Variants in SLC7A1 observed in about 807,000 individuals in gnomAD.
SLC7A1 encodes solute carrier family 7 member 1.
A neutral mutation model predicts 53.9 loss-of-function variants in SLC7A1; 10 were observed. The ratio of observed to expected loss-of-function variants is 0.19; its 90% CI spans 0.11 to 0.31. The LOEUF is 0.31. SLC7A1 is among the 10% of genes least tolerant of loss of function. The probability of loss-of-function intolerance (pLI) is 1.00; values close to 1 mark genes in which losing one functional copy is unlikely to be tolerated. For synonymous variants in SLC7A1, 342 were observed against 338.7 expected (o/e 1.01, Z -0.11); for missense variants, 525 against 827.2 (o/e 0.63, Z 4.48).
chr13:29,559,872 C>T (rs3011606), intron 1 of SLC7A1, among the ~76,000 whole-genome samples: 147,333 of 152,066 alleles, frequency 0.97, 71,550 homozygotes, highest in East Asian at 1. Context: ...CCCGCCACCG[C>T]GCCCGGATAA....
chr13:29,574,675 T>C (rs528600870), intron 1 of SLC7A1, among the ~76,000 whole-genome samples: 1 of 147,430 alleles, frequency 6.8e-6, no homozygotes, highest in Admixed American at 7.0e-5. Flanking sequence ...AGACGGAGTC[T>C]TGCTCTGTCA....
chr13:29,533,958 G>A (rs1869290118), intron 3 of SLC7A1, among the ~76,000 whole-genome samples: 1 of 152,080 alleles, frequency 6.6e-6, no homozygotes, highest in African/African-American at 2.4e-5. Context: ...TCACTATTTG[G>A]TCTTATGATA....
rs118026428 is a variant in SLC7A1 at position 29,571,987 on chromosome 13, T to C, written c.-114-18127A>G. 7.0e-3 allele frequency among the ~76,000 whole-genome samples: 1,073 copies of C among 152,354 alleles called. 12 individuals are homozygous for C. The highest frequency in any genetic ancestry group is 0.011 in the Non-Finnish European group (751 of 68,040). ...TCATCCACTCTTCTTTGTTGACCTT[T>C]GCGTGTACAGTGTTGCTTCAAAAAC... On this transcript the variant is annotated intron_variant, in intron 1 of 12. Coordinates refer to ENST00000380752, the MANE Select transcript of SLC7A1 (RefSeq NM_003045.5).
chr13:29,559,427 AGTGAGG>A, intron 1 of SLC7A1, among the ~76,000 whole-genome samples: 1 of 338 alleles, frequency 3.0e-3, no homozygotes, highest in African/African-American at 8.9e-3. Context: ...AGTGAATGTG[AGTGAGG>A]GGGAGTGAAT....
intron 1 of SLC7A1, among the ~76,000 whole-genome samples, chr13:29,578,475 AC>A (rs1169948507): frequency 6.6e-6 from 1 of 152,110 alleles, no homozygotes; most frequent in Non-Finnish European, 1.5e-5. Flanking sequence ...GCTAAGGCAA[AC>A]CTAAAGGACC....
At chr13:29,563,960 C>T (rs758811648) in intron 1 of SLC7A1, among the ~76,000 whole-genome samples, 4 of 152,114 alleles carry the variant, frequency 2.6e-5, no homozygotes, top group East Asian at 1.9e-4. Flanking sequence ...GATGCTCTGC[C>T]GGCCAATGAG....
chr13:29,548,179 C>T (rs534554737), intron 2 of SLC7A1, among the ~76,000 whole-genome samples: 1 of 152,314 alleles, frequency 6.6e-6, no homozygotes, highest in South Asian at 2.1e-4. Flanking sequence ...AAAAGCAACC[C>T]TCTCTCACCC....
intron 1 of SLC7A1, among the ~76,000 whole-genome samples, chr13:29,580,135 C>G (rs1775274866): frequency 6.6e-6 from 1 of 152,174 alleles, no homozygotes; most frequent in African/African-American, 2.4e-5. Flanking sequence ...AAAAATGTGG[C>G]CTGGAGAACC....
chr13:29,544,753 T>C (rs1281362568), intron 2 of SLC7A1, among the ~76,000 whole-genome samples: 3 of 150,646 alleles, frequency 2.0e-5, no homozygotes, highest in African/African-American at 7.3e-5. Context: ...CAACAAATTC[T>C]GGGGAATGGC....
intron 3 of SLC7A1, among the ~76,000 whole-genome samples, chr13:29,535,094 C>T (rs1869347406): frequency 6.6e-6 from 1 of 152,188 alleles, no homozygotes; most frequent in Admixed American, 6.5e-5. Flanking sequence ...TAAAAACACG[C>T]AGACCCACTG....
At chr13:29,543,934 C>G (rs991588486) in intron 2 of SLC7A1, among the ~76,000 whole-genome samples, 2 of 152,174 alleles carry the variant, frequency 1.3e-5, no homozygotes, top group Non-Finnish European at 2.9e-5. Context: ...AACTGCAGAA[C>G]AGCTTCCAGG....
At chr13:29,587,138 A>G (rs753865488) in intron 1 of SLC7A1, among the ~76,000 whole-genome samples, 8 of 152,336 alleles carry the variant, frequency 5.3e-5, no homozygotes, top group Middle Eastern at 3.4e-3. Flanking sequence ...GCCCATTTTC[A>G]CACATAACAT....
intron 1 of SLC7A1, among the ~76,000 whole-genome samples, chr13:29,585,593 G>T (rs1222214270): frequency 6.6e-6 from 1 of 152,204 alleles, no homozygotes; most frequent in African/African-American, 2.4e-5. Flanking sequence ...GGAACACCCA[G>T]TGAGTACCAG....
intron 12 of SLC7A1, among the ~76,000 whole-genome samples, chr13:29,515,787 G>A (rs1883537364): frequency 6.6e-6 from 1 of 152,238 alleles, no homozygotes; most frequent in African/African-American, 2.4e-5. Context: ...CACCCTGCCT[G>A]GGCCTAGTGC....
At chr13:29,566,272 A>G (rs1183540850) in intron 1 of SLC7A1, among the ~76,000 whole-genome samples, 1 of 152,252 alleles carries the variant, frequency 6.6e-6, no homozygotes, top group Non-Finnish European at 1.5e-5. Flanking sequence ...AATTCCATTA[A>G]GGTCAATGCT....
At chr13:29,535,410 G>A (rs1307804894) in intron 3 of SLC7A1, among the ~76,000 whole-genome samples, 1 of 152,218 alleles carries the variant, frequency 6.6e-6, no homozygotes, top group Non-Finnish European at 1.5e-5. Flanking sequence ...AGTTGTATCT[G>A]TAGACAGTAA....
chr13:29,522,378 G>A lies in SLC7A1; in HGVS notation c.1128C>T (p.Ala376=). Reference sequence around the variant, plus strand: ...GTGTTTTGGTCCTATCATTGACGTTGGCTAAGAATTTAAATAGCAGTCCAT... The same window carrying A: ...GTGTTTTGGTCCTATCATTGACGTTAGCTAAGAATTTAAATAGCAGTCCAT... ...AEDGLLFKFL[A]NVNDRTKTPI... is the part of the protein sequence containing the mutation. Residue 376 remains alanine (A), a synonymous_variant, in exon 8 of 13, where the codon GCC becomes GCT. Coordinates refer to ENST00000380752, the MANE Select transcript of SLC7A1 (RefSeq NM_003045.5). The A allele has an allele frequency of 7.4e-6, 12 of 1,614,164 alleles. No homozygotes were observed. The highest frequency in any genetic ancestry group is 1.0e-5 in the Non-Finnish European group (12 of 1,180,006).
chr13:29,555,357 CAA>C lies in SLC7A1; in HGVS notation c.-114-1499_-114-1498del, dbSNP rs538934310. Among the ~76,000 whole-genome samples, 160 of 18,752 alleles carry C rather than the reference CAA, an allele frequency of 8.5e-3. 2 individuals are homozygous for C. The highest frequency in any genetic ancestry group is 0.011 in the African/African-American group (78 of 6,972). The allele number at this position is 18,752 out of a possible 152,430, so 12.3% of individuals were successfully genotyped here. ...TGGGCGACAGAGCGAGACTCCGTCT[CAA>C]AAAAAAAAAAAAAAAAAAAAAAGAA... On this transcript the variant is annotated intron_variant, in intron 1 of 12. Coordinates refer to ENST00000380752, the MANE Select transcript of SLC7A1 (RefSeq NM_003045.5).
At chr13:29,590,308 G>A (rs911372171) in intron 1 of SLC7A1, among the ~76,000 whole-genome samples, 1 of 152,152 alleles carries the variant, frequency 6.6e-6, no homozygotes, top group Non-Finnish European at 1.5e-5. Context: ...GGAGTAATTT[G>A]AACAACATGT....
Sources: allele counts gnomAD v4.1 joint callset (sites outside exome capture counted in the v4.1 genomes callset), GRCh38; gene constraint gnomAD v4.1.1; transcripts MANE v1.5; gene names NCBI Gene and HGNC (gene_info 2026-07-23, HGNC 2026-07-21).